The following PPP6C variants were observed in gnomAD, a reference collection of about 807,000 sequenced individuals.
PPP6C encodes serine/threonine-protein phosphatase 6 catalytic subunit.
A neutral mutation model predicts 39.8 loss-of-function variants in PPP6C; 11 were observed. The observed-to-expected ratio is 0.28, with a 90% confidence interval of 0.17 to 0.46. The LOEUF is 0.46. Ranked by LOEUF, PPP6C falls within the 20% of genes least tolerant of loss-of-function variation. The probability of loss-of-function intolerance (pLI) is 1.00; values close to 1 mark genes in which losing one functional copy is unlikely to be tolerated. For synonymous variants in PPP6C, 129 were observed against 130.3 expected (o/e 0.99, Z 0.07); for missense variants, 211 against 373.9 (o/e 0.56, Z 3.59).
chr9:125,154,919 G>C (rs554031221), intron 4 of PPP6C, among the ~76,000 whole-genome samples: 1 of 152,284 alleles, frequency 6.6e-6, no homozygotes, highest in South Asian at 2.1e-4. Context: ...TTGAGACAAG[G>C]TCTCACTCTA....
intron 4 of PPP6C, among the ~76,000 whole-genome samples, chr9:125,155,176 G>A (rs1168965481): frequency 6.6e-6 from 1 of 152,066 alleles, no homozygotes; most frequent in African/African-American, 2.4e-5. Flanking sequence ...ACAGTGCTGA[G>A]AATACAGATG....
chr9:125,156,908 G>A (rs1009032132), intron 4 of PPP6C, among the ~76,000 whole-genome samples: 2 of 152,010 alleles, frequency 1.3e-5, no homozygotes, highest in Admixed American at 6.6e-5. Flanking sequence ...CACCTCCTGG[G>A]TTCAATCAAT....
chr9:125,155,221 T>C (rs1479932892), intron 4 of PPP6C, among the ~76,000 whole-genome samples: 1 of 152,054 alleles, frequency 6.6e-6, no homozygotes, highest in East Asian at 1.9e-4. Context: ...ACATAGTTAA[T>C]AGGGTACACA....
At chr9:125,164,425 G>A (rs551103939) in intron 2 of PPP6C, among the ~76,000 whole-genome samples, 236 of 150,496 alleles carry the variant, frequency 1.6e-3, no homozygotes, top group African/African-American at 5.5e-3. Flanking sequence ...AAAGGGTTTC[G>A]CCACATTGGC....
chr9:125,150,421 G>GGT (rs113973939), intron 6 of PPP6C, among the ~76,000 whole-genome samples: 10,475 of 149,906 alleles, frequency 0.07, 480 homozygotes, highest in East Asian at 0.18. Context: ...CAATATAAGG[G>GGT]GTGTGTGTGT....
chr9:125,186,187 C>T (rs1308807815), intron 1 of PPP6C, among the ~76,000 whole-genome samples: 3 of 152,010 alleles, frequency 2.0e-5, no homozygotes, highest in Non-Finnish European at 4.4e-5. Context: ...TCAATGATTA[C>T]TTTTCTTAAT....
rs1284638628 is a variant in PPP6C at position 125,189,641 on chromosome 9, C to G, written c.75+3G>C. On this transcript the variant is annotated splice_donor_region_variant and intron_variant, in intron 1 of 6. Transcript: ENST00000373547. ...AAGGGGCGAGCCCGCAAATAGGGCT[C>G]ACCTTCAGGTCGTTCTCTGGCAGGT... 3.1e-6 allele frequency: 5 copies of G among 1,612,926 alleles called. No homozygotes were observed. Among genetic ancestry groups the G allele is most frequent in the Non-Finnish European group, 3.4e-6 (4 of 1,179,672 alleles).
chr9:125,160,763 T>C (rs1403728588), intron 3 of PPP6C, 78 bp downstream of exon 3: 1 of 1,063,986 alleles, frequency 9.4e-7, no homozygotes, highest in Non-Finnish European at 1.3e-6. Flanking sequence ...TGGTAAAGAA[T>C]TATTATGCAA....
intron 6 of PPP6C, chr9:125,150,552 A>T (rs1835910496): frequency 1.8e-6 from 1 of 540,934 alleles, no homozygotes; most frequent in Non-Finnish European, 3.5e-6. Flanking sequence ...GTAGCATCGC[A>T]AAGAGATTAG....
At chr9:125,186,753 C>T (rs12235959) in intron 1 of PPP6C, among the ~76,000 whole-genome samples, 2,287 of 150,676 alleles carry the variant, frequency 0.015, 112 homozygotes, top group Admixed American at 0.083. Context: ...GTCCCCGCTC[C>T]CCCACCAAAA....
intron 2 of PPP6C, among the ~76,000 whole-genome samples, chr9:125,166,520 A>G (rs1046752074): frequency 4.0e-4 from 60 of 149,548 alleles, no homozygotes; most frequent in African/African-American, 1.4e-3. Context: ...GAATTTCACA[A>G]GTATTTTTCT....
chr9:125,179,569 T>C (rs1250836878), intron 1 of PPP6C, among the ~76,000 whole-genome samples: 3 of 152,076 alleles, frequency 2.0e-5, no homozygotes, highest in African/African-American at 4.8e-5. Context: ...TGAGGCTTTG[T>C]ACTTTCTGTT....
chr9:125,173,289 T>C (rs1829215028), intron 1 of PPP6C, among the ~76,000 whole-genome samples: 1 of 150,696 alleles, frequency 6.6e-6, no homozygotes, highest in Admixed American at 6.7e-5. Context: ...CAGGTGCCTG[T>C]AATCCTCAGC....
Position 125,187,908 on chromosome 9 carries a change from T to G in PPP6C, c.75+1736A>C, listed in dbSNP as rs1829565488. 2.6e-5 allele frequency among the ~76,000 whole-genome samples: 4 copies of G among 152,106 alleles called. 1 individual carries two copies. The South Asian group carries it at 8.3e-4, about 32-fold the overall frequency. Reference sequence around the variant, plus strand: ...AATTATTCTATTAAAAACGGGAAAATGCACAAGAATGACTCCCCTATCATA... The same window carrying G: ...AATTATTCTATTAAAAACGGGAAAAGGCACAAGAATGACTCCCCTATCATA... On this transcript the variant is annotated intron_variant, in intron 1 of 6. Coordinates refer to ENST00000373547, the MANE Select transcript of PPP6C (RefSeq NM_002721.5).
At chr9:125,150,058 C>T (rs545044028) in intron 6 of PPP6C, 137 bp from the exon 7 acceptor site, 100 of 1,198,846 alleles carry the variant, frequency 8.3e-5, no homozygotes, top group Non-Finnish European at 3.1e-5. Flanking sequence ...TTATCTCCAA[C>T]AATTTAATAA....
At chr9:125,186,355 G>C (rs889956703) in intron 1 of PPP6C, among the ~76,000 whole-genome samples, 5 of 151,896 alleles carry the variant, frequency 3.3e-5, no homozygotes, top group African/African-American at 1.2e-4. Flanking sequence ...TCTGATAAAA[G>C]CATTTCCAAG....
intron 1 of PPP6C, among the ~76,000 whole-genome samples, chr9:125,174,992 G>T (rs1024261497): frequency 7.9e-5 from 12 of 151,460 alleles, no homozygotes; most frequent in Admixed American, 1.3e-4. Context: ...TGGATCACCT[G>T]AGGTCAGGAG....
At chr9:125,185,304 G>A (rs1353423508) in intron 1 of PPP6C, among the ~76,000 whole-genome samples, 2 of 151,126 alleles carry the variant, frequency 1.3e-5, no homozygotes, top group Non-Finnish European at 2.9e-5. Flanking sequence ...GAGTGCAGTG[G>A]CATGATCTCG....
rs138571004 is a variant in PPP6C, at chr9:125,161,925, C to T, written c.172-1019G>A. On this transcript the variant is annotated intron_variant, in intron 2 of 6. Coordinates refer to ENST00000373547, the MANE Select transcript of PPP6C (RefSeq NM_002721.5). ...TTGGACCAATTACAACTAACAACTT[C>T]TAACACATTCATCTTTTACACTTGA... Among the ~76,000 whole-genome samples, 440 of 152,264 alleles carry T rather than the reference C, an allele frequency of 2.9e-3. 6 individuals are homozygous for T. The highest frequency in any genetic ancestry group is 0.013 in the South Asian group (65 of 4,824).
Sources: allele counts gnomAD v4.1 joint callset (sites outside exome capture counted in the v4.1 genomes callset), GRCh38; gene constraint gnomAD v4.1.1; transcripts MANE v1.5; gene names NCBI Gene and HGNC (gene_info 2026-07-23, HGNC 2026-07-21).